Variants in CPA6 observed in about 807,000 individuals in gnomAD.
The protein encoded by CPA6 is carboxypeptidase A6, also known as carboxypeptidase B.
A neutral mutation model predicts 63.3 loss-of-function variants in CPA6; 58 were observed. The observed-to-expected ratio is 0.92, with a 90% CI of 0.74 to 1.14. CPA6 has a LOEUF of 1.14. Ranked by LOEUF, CPA6 falls within the 50% of genes most tolerant of loss-of-function variation. CPA6 has a pLI of 0.00. For synonymous variants in CPA6, 185 were observed against 179.0 expected, an observed-to-expected ratio of 1.03 and a Z score of -0.27; for missense variants, 565 against 526.6, an observed-to-expected ratio of 1.07 and a Z score of -0.71.
At chr8:67,444,476 C>G (rs1477338517) in intron 8 of CPA6, among the ~76,000 whole-genome samples, 1 of 151,786 alleles carries the variant, frequency 6.6e-6, no homozygotes, top group East Asian at 1.9e-4. Flanking sequence ...ATGTGGGGGT[C>G]ATTATCATTT....
At chr8:67,680,280 T>C (rs1416881522) in intron 1 of CPA6, among the ~76,000 whole-genome samples, 1 of 152,102 alleles carries the variant, frequency 6.6e-6, no homozygotes, top group Non-Finnish European at 1.5e-5. Context: ...AGTGCGTGGA[T>C]TGCTTGAGCC....
At chr8:67,630,408 A>G (rs990219068) in intron 1 of CPA6, among the ~76,000 whole-genome samples, 2 of 151,772 alleles carry the variant, frequency 1.3e-5, no homozygotes, top group African/African-American at 2.4e-5. Flanking sequence ...GAACATGCCA[A>G]CTCCTCACAG....
At chr8:67,469,671 C>G (rs542118098) in intron 8 of CPA6, among the ~76,000 whole-genome samples, 1 of 152,304 alleles carries the variant, frequency 6.6e-6, no homozygotes, top group African/African-American at 2.4e-5. Flanking sequence ...AGAGTGAATT[C>G]TGCCTTCAGA....
At chr8:67,424,259 G>A (rs1027358027) in intron 10 of CPA6, among the ~76,000 whole-genome samples, 3 of 152,048 alleles carry the variant, frequency 2.0e-5, no homozygotes, top group Non-Finnish European at 2.9e-5. Context: ...AATAAAGTGC[G>A]CAATGAATGT....
chr8:67,594,447 G>T (rs1176521450), intron 2 of CPA6, among the ~76,000 whole-genome samples: 2 of 152,154 alleles, frequency 1.3e-5, no homozygotes, highest in African/African-American at 4.8e-5. Context: ...CTAGATTGGG[G>T]AAGTTCTCCT....
At chr8:67,572,682 T>C (rs894044046) in intron 2 of CPA6, among the ~76,000 whole-genome samples, 2 of 152,166 alleles carry the variant, frequency 1.3e-5, no homozygotes, top group African/African-American at 4.8e-5. Context: ...CCTGAAGTCT[T>C]CATGACTGAA....
intron 1 of CPA6, among the ~76,000 whole-genome samples, chr8:67,629,548 A>G (rs1815272288): frequency 1.3e-5 from 2 of 152,048 alleles, no homozygotes; most frequent in South Asian, 4.1e-4. Context: ...AGTGAACTAT[A>G]TATACATTTA....
chr8:67,501,979 T>C (rs116041181), intron 6 of CPA6, among the ~76,000 whole-genome samples: 4,629 of 152,310 alleles, frequency 0.03, 234 homozygotes, highest in African/African-American at 0.1. Flanking sequence ...TTGGTGTTGT[T>C]CAACTAATTG....
chr8:67,475,942 TTC>T (rs1811224552), intron 8 of CPA6, among the ~76,000 whole-genome samples: 3 of 135,432 alleles, frequency 2.2e-5, no homozygotes, highest in Non-Finnish European at 4.7e-5. Context: ...TTCTCTTTCT[TTC>T]TCTGTCTTTC....
rs1396986550 is a variant in CPA6 at position 67,427,121 on chromosome 8, G to A, written c.1126+926C>T. Among the ~76,000 whole-genome samples, 4 of 152,162 alleles carry A rather than the reference G, an allele frequency of 2.6e-5. No homozygotes were observed. The East Asian group carries it at 5.8e-4, about 22-fold the overall frequency. The stretch of plus-strand genomic sequence containing the variant: ...ATGCAGCAAACAGTAAAGATTCCTC[G>A]AGGAGGGTTATTCTCACTATAAGAA... On this transcript the variant is annotated intron_variant, in intron 10 of 10. Coordinates refer to ENST00000297770, the MANE Select transcript of CPA6 (RefSeq NM_020361.5).
At chr8:67,436,137 T>C (rs1810147250) in intron 8 of CPA6, among the ~76,000 whole-genome samples, 1 of 152,120 alleles carries the variant, frequency 6.6e-6, no homozygotes, top group Non-Finnish European at 1.5e-5. Context: ...CCACCAGCTA[T>C]TTCCCCAGTG....
At chr8:67,677,108 T>G (rs1056713211) in intron 1 of CPA6, among the ~76,000 whole-genome samples, 3 of 152,022 alleles carry the variant, frequency 2.0e-5, no homozygotes, top group Admixed American at 2.0e-4. Flanking sequence ...CCGTCAGGAG[T>G]TGCACAGGGT....
chr8:67,427,423 A>C (rs578122185), intron 10 of CPA6, among the ~76,000 whole-genome samples: 1 of 152,306 alleles, frequency 6.6e-6, no homozygotes, highest in South Asian at 2.1e-4. Flanking sequence ...AGAATTAATA[A>C]AATTTGTATA....
intron 1 of CPA6, among the ~76,000 whole-genome samples, chr8:67,643,575 A>C (rs995571780): frequency 5.9e-5 from 9 of 152,180 alleles, no homozygotes; most frequent in Non-Finnish European, 1.3e-4. Flanking sequence ...TGAGCAATAA[A>C]AACAAGGCTA....
chr8:67,444,831 A>G (rs1364117028), intron 8 of CPA6, among the ~76,000 whole-genome samples: 2 of 152,042 alleles, frequency 1.3e-5, no homozygotes, highest in Non-Finnish European at 2.9e-5. Flanking sequence ...ACTGTGGGGA[A>G]TATCAGTATT....
chr8:67,486,252 C>A (rs1192305709), intron 6 of CPA6, among the ~76,000 whole-genome samples: 1 of 152,222 alleles, frequency 6.6e-6, no homozygotes, highest in East Asian at 1.9e-4. Context: ...CTAACGCAGT[C>A]ATACACTATA....
intron 8 of CPA6, among the ~76,000 whole-genome samples, chr8:67,446,939 T>G (rs1368351073): frequency 2.0e-5 from 3 of 152,080 alleles, no homozygotes; most frequent in Non-Finnish European, 2.9e-5. Flanking sequence ...AGTACACATA[T>G]GTACTCACAC....
At chr8:67,720,364 T>C (rs1817472251) in intron 1 of CPA6, among the ~76,000 whole-genome samples, 1 of 152,238 alleles carries the variant, frequency 6.6e-6, no homozygotes, top group Non-Finnish European at 1.5e-5. Context: ...TGGGCGGATA[T>C]GTGCAAGTCA....
At chr8:67,530,197 A>G (rs1430919174) in intron 2 of CPA6, among the ~76,000 whole-genome samples, 1 of 139,484 alleles carries the variant, frequency 7.2e-6, no homozygotes, top group African/African-American at 3.1e-5. Context: ...AGAGAGTAGA[A>G]CAAAATGGTA....
Sources: allele counts gnomAD v4.1 joint callset (sites outside exome capture counted in the v4.1 genomes callset), GRCh38; gene constraint gnomAD v4.1.1; transcripts MANE v1.5; gene names NCBI Gene and HGNC (gene_info 2026-07-23, HGNC 2026-07-21).